The following KCTD16 variants were observed in gnomAD, a reference collection of about 807,000 sequenced individuals.
KCTD16 encodes BTB/POZ domain-containing protein KCTD16.
KCTD16 carries 13 observed loss-of-function variants against 33.2 expected under a neutral mutation model. That is an observed-to-expected ratio of 0.39 (90% CI 0.25 to 0.62). The LOEUF is 0.62. KCTD16 is among the 20% of genes least tolerant of loss of function. The pLI, the probability that KCTD16 is intolerant of heterozygous loss-of-function variation, is 0.50. For missense variants in KCTD16, 441 were observed against 525.1 expected (o/e 0.84, Z 1.57); for synonymous variants, 197 against 195.3 (o/e 1.01, Z -0.07).
chr5:144,417,661 A>T (rs1461518320), intron 3 of KCTD16, among the ~76,000 whole-genome samples: 3 of 152,082 alleles, frequency 2.0e-5, no homozygotes, highest in Non-Finnish European at 1.5e-5. Flanking sequence ...TTTTGATGTC[A>T]TATCCATTAC....
intron 2 of KCTD16, among the ~76,000 whole-genome samples, chr5:144,180,925 T>C (rs1297878666): frequency 2.6e-5 from 4 of 152,106 alleles, no homozygotes; most frequent in African/African-American, 7.2e-5. Context: ...ATACTGCAAC[T>C]TTTTCTTTTT....
intron 3 of KCTD16, among the ~76,000 whole-genome samples, chr5:144,468,330 G>A (rs1580988464): frequency 1.3e-5 from 2 of 152,100 alleles, no homozygotes; most frequent in Admixed American, 6.6e-5. Context: ...CAATACTTAC[G>A]TTAAATTCTT....
chr5:144,172,179 G>A (rs1752400644), intron 1 of KCTD16, among the ~76,000 whole-genome samples: 1 of 134,694 alleles, frequency 7.4e-6, no homozygotes, highest in African/African-American at 3.2e-5. Context: ...ACAACAAAAG[G>A]ATGTAAGACC....
chr5:144,419,843 T>C (rs565369495), intron 3 of KCTD16, among the ~76,000 whole-genome samples: 28 of 152,242 alleles, frequency 1.8e-4, no homozygotes, highest in African/African-American at 6.7e-4. Flanking sequence ...ACTACCCTGT[T>C]GCATAGGAGA....
At chr5:144,260,748 G>A (rs1177873440) in intron 3 of KCTD16, among the ~76,000 whole-genome samples, 1 of 151,818 alleles carries the variant, frequency 6.6e-6, no homozygotes, top group Non-Finnish European at 1.5e-5. Context: ...TTTTTTTGTT[G>A]TTGTTGTTGT....
chr5:144,178,617 G>A (rs967308481), intron 2 of KCTD16, among the ~76,000 whole-genome samples: 5 of 151,962 alleles, frequency 3.3e-5, no homozygotes, highest in African/African-American at 9.7e-5. Flanking sequence ...TAAATCCCCT[G>A]CTGTCTGTGA....
intron 3 of KCTD16, among the ~76,000 whole-genome samples, chr5:144,305,546 T>C (rs533575622): frequency 1.3e-5 from 2 of 152,350 alleles, no homozygotes; most frequent in Admixed American, 6.5e-5. Context: ...CTGGGTGCAG[T>C]GGCTCACGCC....
intron 3 of KCTD16, among the ~76,000 whole-genome samples, chr5:144,392,905 G>T (rs1180997916): frequency 6.6e-6 from 1 of 152,116 alleles, no homozygotes; most frequent in Non-Finnish European, 1.5e-5. Context: ...ATTAGATATG[G>T]CATAAGAAGG....
intron 3 of KCTD16, among the ~76,000 whole-genome samples, chr5:144,220,314 G>A (rs1036299200): frequency 6.6e-6 from 1 of 152,006 alleles, no homozygotes; most frequent in Non-Finnish European, 1.5e-5. Context: ...TTCCATCCTC[G>A]TACTGTTCAC....
At chr5:144,458,023 A>G (rs1453324171) in intron 3 of KCTD16, among the ~76,000 whole-genome samples, 1 of 152,216 alleles carries the variant, frequency 6.6e-6, no homozygotes, top group East Asian at 1.9e-4. Flanking sequence ...TTCACATTTT[A>G]TGTGCAAATT....
intron 3 of KCTD16, among the ~76,000 whole-genome samples, chr5:144,230,088 G>C (rs1332159272): frequency 6.6e-6 from 1 of 152,184 alleles, no homozygotes; most frequent in African/African-American, 2.4e-5. Flanking sequence ...ACTGCAGTGA[G>C]CCAAGATCAC....
intron 3 of KCTD16, among the ~76,000 whole-genome samples, chr5:144,383,462 C>T (rs1482851413): frequency 3.3e-5 from 5 of 151,436 alleles, no homozygotes; most frequent in African/African-American, 1.2e-4. Context: ...TGAACTGCAT[C>T]ATATGTTAAT....
intron 3 of KCTD16, among the ~76,000 whole-genome samples, chr5:144,290,139 A>G (rs1431208905): frequency 6.6e-6 from 1 of 152,054 alleles, no homozygotes; most frequent in Non-Finnish European, 1.5e-5. Context: ...ATACACAAAT[A>G]CAAAAATTAT....
intron 3 of KCTD16, 67 bp from the exon 4 acceptor site, chr5:144,473,593 G>A: frequency 1.5e-6 from 2 of 1,364,068 alleles, no homozygotes; most frequent in Non-Finnish European, 2.0e-6. Flanking sequence ...GTATGTCCAA[G>A]TGCTATACTG....
At chr5:144,201,701 A>G (rs1346590079) in intron 2 of KCTD16, among the ~76,000 whole-genome samples, 1 of 152,212 alleles carries the variant, frequency 6.6e-6, no homozygotes, top group Non-Finnish European at 1.5e-5. Context: ...GCCAGGCAGA[A>G]CTGGAAGAGG....
intron 3 of KCTD16, among the ~76,000 whole-genome samples, chr5:144,302,807 AAC>A (rs1751478672): frequency 6.6e-6 from 1 of 152,204 alleles, no homozygotes; most frequent in African/African-American, 2.4e-5. Flanking sequence ...ATGTGATGAA[AAC>A]AGTTTTTAAT....
chr5:144,334,828 G>A (rs1209809713), intron 3 of KCTD16, among the ~76,000 whole-genome samples: 2 of 152,064 alleles, frequency 1.3e-5, no homozygotes, highest in African/African-American at 4.8e-5. Context: ...CCGGGTTGGA[G>A]TGTGATGGTG....
intron 3 of KCTD16, among the ~76,000 whole-genome samples, chr5:144,223,059 C>G (rs372615047): frequency 1.3e-5 from 2 of 152,044 alleles, no homozygotes; most frequent in Admixed American, 1.3e-4. Context: ...AACCAAACAC[C>G]GCATGTTCTC....
At chr5:144,406,209 C>T (rs1206280254) in intron 3 of KCTD16, among the ~76,000 whole-genome samples, 4 of 152,268 alleles carry the variant, frequency 2.6e-5, no homozygotes, top group African/African-American at 9.6e-5. Flanking sequence ...ACAGCAAGCA[C>T]ACAGTGTTTT....
Sources: gnomAD v4.1 joint callset for allele counts (sites outside exome capture counted in the v4.1 genomes callset) on GRCh38, gnomAD v4.1.1 for gene constraint, MANE v1.5 for transcripts, NCBI Gene and HGNC (gene_info 2026-07-23, HGNC 2026-07-21) for gene names.